CNTNAP3: variants seen among roughly 807,000 people sequenced by gnomAD.
The protein encoded by CNTNAP3 is contactin-associated protein-like 3.
CNTNAP3 carries 36 observed loss-of-function variants against 92.1 expected under a neutral mutation model. That is an observed-to-expected ratio of 0.39 (90% CI 0.30 to 0.52). CNTNAP3 has a LOEUF of 0.52. Among genes scored for constraint, CNTNAP3 ranks in the 20% least tolerant of loss-of-function variants. The pLI, the probability that CNTNAP3 is intolerant of heterozygous loss-of-function variation, is 0.76. For missense variants in CNTNAP3, 534 were observed against 1,069.6 expected (o/e 0.50, Z 6.98); for synonymous variants, 232 against 422.3 (o/e 0.55, Z 5.53).
At chr9:39,123,563 C>A (rs992161696) in intron 13 of CNTNAP3, among the ~76,000 whole-genome samples, 2 of 151,530 alleles carry the variant, frequency 1.3e-5, no homozygotes, top group African/African-American at 4.9e-5. Context: ...TCAGCAAACA[C>A]CAAGCAGGTT....
intron 13 of CNTNAP3, among the ~76,000 whole-genome samples, chr9:39,127,744 C>G (rs71265748): frequency 2.6e-5 from 4 of 152,146 alleles, no homozygotes; most frequent in Admixed American, 2.6e-4. Flanking sequence ...GTAATTGTAA[C>G]TATTAAGAAA....
At chr9:39,082,913 A>G (rs1313981555) in intron 21 of CNTNAP3, among the ~76,000 whole-genome samples, 3 of 152,236 alleles carry the variant, frequency 2.0e-5, no homozygotes, top group Non-Finnish European at 4.4e-5. Flanking sequence ...GTACCAGGAC[A>G]GCATCCACAA....
At chr9:39,150,063 C>G in intron 9 of CNTNAP3, 86 bp from the exon 10 acceptor site, 1 of 925,378 alleles carries the variant, frequency 1.1e-6, no homozygotes, top group Non-Finnish European at 1.6e-6. Flanking sequence ...CTGCTGCTCC[C>G]GCTTGTTTAT....
At chr9:39,136,130 AAATAAT>A (rs60137174) in intron 12 of CNTNAP3, among the ~76,000 whole-genome samples, 24,110 of 144,814 alleles carry the variant, frequency 0.17, 2,792 homozygotes, top group African/African-American at 0.34. Context: ...CTCTGTCTCA[AAATAAT>A]AATAATAATA....
chr9:39,119,047 A>G (rs1336635625), intron 13 of CNTNAP3, among the ~76,000 whole-genome samples: 1 of 152,182 alleles, frequency 6.6e-6, no homozygotes, highest in Non-Finnish European at 1.5e-5. Context: ...TAAAGTTAGG[A>G]TAATTTAAAA....
chr9:39,124,933 T>C (rs1821122159), intron 13 of CNTNAP3, among the ~76,000 whole-genome samples: 1 of 152,086 alleles, frequency 6.6e-6, no homozygotes, highest in South Asian at 2.1e-4. Flanking sequence ...GTTCAACCAT[T>C]GTGGAAGACA....
At chr9:39,134,553 T>A (rs1013804996) in intron 12 of CNTNAP3, among the ~76,000 whole-genome samples, 1 of 152,096 alleles carries the variant, frequency 6.6e-6, no homozygotes, top group Non-Finnish European at 1.5e-5. Context: ...GCCTCCCAAG[T>A]AGCTGGGACT....
chr9:39,148,913 A>C (rs1374911567), intron 10 of CNTNAP3, among the ~76,000 whole-genome samples: 1 of 152,222 alleles, frequency 6.6e-6, no homozygotes, highest in Non-Finnish European at 1.5e-5. Flanking sequence ...CTGTATGTAG[A>C]AATATTATTT....
chr9:39,113,310 A>G (rs1820754588), intron 14 of CNTNAP3, among the ~76,000 whole-genome samples: 1 of 152,200 alleles, frequency 6.6e-6, no homozygotes, highest in South Asian at 2.1e-4. Flanking sequence ...ATTCTCTTGA[A>G]TAAGTTTTGT....
At chr9:39,134,659 C>A (rs1821385253) in intron 12 of CNTNAP3, among the ~76,000 whole-genome samples, 3 of 152,208 alleles carry the variant, frequency 2.0e-5, no homozygotes, top group Non-Finnish European at 4.4e-5. Context: ...AACTCCCAAC[C>A]TCAGGTGATC....
At chr9:39,122,057 A>G (rs1821036859) in intron 13 of CNTNAP3, among the ~76,000 whole-genome samples, 2 of 152,136 alleles carry the variant, frequency 1.3e-5, no homozygotes, top group Non-Finnish European at 1.5e-5. Context: ...TAATCCTAAG[A>G]GTACAGGATG....
chr9:39,153,986 G>A (rs1821898010), intron 9 of CNTNAP3: 1 of 156,828 alleles, frequency 6.4e-6, no homozygotes, highest in African/African-American at 2.7e-5. Context: ...GGAAATTGGT[G>A]GGTTTTTCTT....
At chr9:39,141,857 G>C (rs1821583061) in intron 11 of CNTNAP3, among the ~76,000 whole-genome samples, 1 of 152,018 alleles carries the variant, frequency 6.6e-6, no homozygotes. Context: ...TTAATGTATA[G>C]TATATATCAA....
chr9:39,133,163 A>T (rs554462365), intron 12 of CNTNAP3, 28 bp from the exon 13 acceptor site: 8 of 1,559,804 alleles, frequency 5.1e-6, no homozygotes, highest in Non-Finnish European at 6.9e-6. Flanking sequence ...AAGGAGAGGC[A>T]TCACTGGACG....
chr9:39,090,898 T>G (rs1826181357), intron 18 of CNTNAP3, among the ~76,000 whole-genome samples: 4 of 152,280 alleles, frequency 2.6e-5, no homozygotes, highest in Non-Finnish European at 5.9e-5. Flanking sequence ...GTTTTCCATT[T>G]CTTTTGTTAA....
At chr9:39,122,036 A>G (rs567136428) in intron 13 of CNTNAP3, among the ~76,000 whole-genome samples, 85 of 152,270 alleles carry the variant, frequency 5.6e-4, no homozygotes, top group Admixed American at 1.4e-3. Flanking sequence ...AGGTTCTCTA[A>G]AAGACTGACC....
In CNTNAP3 at chr9:39,070,860, A is replaced by G. The variant is rs1338140089; in HGVS notation, c.*3030T>C. Among the ~76,000 whole-genome samples the G allele has an allele frequency of 6.6e-6, 1 of 152,264 alleles. No homozygotes were observed. On this transcript the variant is annotated 3_prime_UTR_variant, in exon 24 of 24. Coordinates refer to ENST00000297668, the MANE Select transcript of CNTNAP3 (RefSeq NM_033655.5). The stretch of plus-strand genomic sequence containing the variant: ...TTCCCATCAAATATTCTTTCAGAGA[A>G]GATGTGAACAAAGATCCAGAATTAT...
At chr9:39,122,165 T>G (rs984280850) in intron 13 of CNTNAP3, among the ~76,000 whole-genome samples, 9 of 152,082 alleles carry the variant, frequency 5.9e-5, no homozygotes, top group Non-Finnish European at 1.3e-4. Context: ...CCATCCTGGC[T>G]AACATGGTGA....
chr9:39,081,120 A>G (rs141825670), intron 21 of CNTNAP3, among the ~76,000 whole-genome samples: 32,501 of 149,326 alleles, frequency 0.22, 3,822 homozygotes, highest in East Asian at 0.35. Context: ...AAAGAAAGGC[A>G]TTCCTTTGCC....
Sources: gnomAD v4.1 joint callset for allele counts (sites outside exome capture counted in the v4.1 genomes callset) on GRCh38, gnomAD v4.1.1 for gene constraint, MANE v1.5 for transcripts, NCBI Gene and HGNC (gene_info 2026-07-23, HGNC 2026-07-21) for gene names.